Variants in EPHA6 observed in about 807,000 individuals in gnomAD.
EPHA6 encodes the protein EPH receptor A6.
EPHA6 carries 50 observed loss-of-function variants against 112.0 expected under a neutral mutation model. The observed-to-expected ratio is 0.45, with a 90% CI of 0.36 to 0.56. The LOEUF (loss-of-function observed/expected upper bound fraction) is 0.56. Among genes scored for constraint, EPHA6 ranks in the 20% least tolerant of loss-of-function variants. The pLI, the probability that EPHA6 is intolerant of heterozygous loss-of-function variation, is 0.00. For missense variants in EPHA6, 1,280 were observed against 1,417.4 expected, an observed-to-expected ratio of 0.90 and a Z score of 1.56; for synonymous variants, 529 against 490.7, an observed-to-expected ratio of 1.08 and a Z score of -1.03.
chr3:97,725,876 C>T (rs568158291), intron 15 of EPHA6, among the ~76,000 whole-genome samples: 214 of 152,124 alleles, frequency 1.4e-3, no homozygotes, highest in Non-Finnish European at 1.3e-3. Flanking sequence ...GATCTGGGAT[C>T]GAATCCCAGA....
intron 7 of EPHA6, among the ~76,000 whole-genome samples, chr3:97,456,657 A>G (rs1316394037): frequency 6.6e-6 from 1 of 152,196 alleles, no homozygotes; most frequent in African/African-American, 2.4e-5. Context: ...TGCTAAGGAA[A>G]CAAAGGAGAT....
At chr3:97,163,857 C>G (rs1421950397) in intron 3 of EPHA6, among the ~76,000 whole-genome samples, 4 of 152,224 alleles carry the variant, frequency 2.6e-5, no homozygotes, top group African/African-American at 9.6e-5. Context: ...TCAGTGCCCT[C>G]ACTGTAACAG....
Position 97,749,837 on chromosome 3 carries a change from G to A in EPHA6, c.*1136G>A, listed in dbSNP as rs932291362. ...GTTTTCTTTGCAAAAATAGTTACAT[G>A]AACATGCTGAGCTCTTTTCGAAACC... On this transcript the variant is annotated 3_prime_UTR_variant, in exon 18 of 18. Transcript: ENST00000389672. Among the ~76,000 whole-genome samples, 6 of 152,076 alleles carry A rather than the reference G, an allele frequency of 3.9e-5. No individual in the cohort carries two copies. Among genetic ancestry groups the A allele is most frequent in the Non-Finnish European group, 8.8e-5 (6 of 68,004 alleles).
At chr3:96,850,932 ATATAT>A (rs572246285) in intron 1 of EPHA6, among the ~76,000 whole-genome samples, 1 of 152,174 alleles carries the variant, frequency 6.6e-6, no homozygotes, top group Non-Finnish European at 1.5e-5. Flanking sequence ...AATGCAAAAC[ATATAT>A]TAAAATAATA....
chr3:96,972,113 TA>T (rs777389314), intron 2 of EPHA6, among the ~76,000 whole-genome samples: 1 of 152,134 alleles, frequency 6.6e-6, no homozygotes, highest in Non-Finnish European at 1.5e-5. Context: ...CTAGCTAATT[TA>T]AAAACGCATT....
intron 3 of EPHA6, among the ~76,000 whole-genome samples, chr3:97,110,209 TG>T (rs1428596672): frequency 6.6e-6 from 1 of 152,062 alleles, no homozygotes; most frequent in Non-Finnish European, 1.5e-5. Context: ...TACTTGTAGA[TG>T]GGGGTGGATG....
intron 12 of EPHA6, among the ~76,000 whole-genome samples, chr3:97,609,229 A>G (rs2093700869): frequency 6.6e-6 from 1 of 151,400 alleles, no homozygotes; most frequent in Non-Finnish European, 1.5e-5. Flanking sequence ...AGAATCCATC[A>G]TCATTCAAAA....
chr3:97,190,834 A>G (rs1044246200), intron 3 of EPHA6, among the ~76,000 whole-genome samples: 1 of 151,978 alleles, frequency 6.6e-6, no homozygotes, highest in African/African-American at 2.4e-5. Context: ...AACCTGCACA[A>G]TGTGCACATG....
chr3:96,986,515 A>T (rs916767166), intron 2 of EPHA6, among the ~76,000 whole-genome samples: 1 of 152,026 alleles, frequency 6.6e-6, no homozygotes, highest in African/African-American at 2.4e-5. Flanking sequence ...TCACTATCTC[A>T]TCTCTAAGGC....
chr3:97,604,348 T>A (rs1576042373), intron 12 of EPHA6, among the ~76,000 whole-genome samples: 1 of 151,708 alleles, frequency 6.6e-6, no homozygotes, highest in Non-Finnish European at 1.5e-5. Flanking sequence ...CATCCTAGTT[T>A]GCCTGGGACA....
At chr3:97,695,158 T>C (rs1251200286) in intron 14 of EPHA6, among the ~76,000 whole-genome samples, 1 of 152,320 alleles carries the variant, frequency 6.6e-6, no homozygotes, top group East Asian at 1.9e-4. Flanking sequence ...AGATACATCA[T>C]CAGTGAGTGA....
chr3:97,421,381 A>G (rs1457808514), intron 6 of EPHA6, among the ~76,000 whole-genome samples: 4 of 152,164 alleles, frequency 2.6e-5, no homozygotes, highest in Non-Finnish European at 5.9e-5. Flanking sequence ...AACACATTTT[A>G]AAGAAGTTAA....
intron 13 of EPHA6, among the ~76,000 whole-genome samples, chr3:97,619,687 C>T (rs1257173393): frequency 1.3e-5 from 2 of 151,780 alleles, no homozygotes; most frequent in Non-Finnish European, 1.5e-5. Context: ...AAGAATAAAA[C>T]ACCTAGGAAT....
At chr3:97,510,513 G>A (rs944339651) in intron 10 of EPHA6, among the ~76,000 whole-genome samples, 10 of 152,302 alleles carry the variant, frequency 6.6e-5, no homozygotes, top group Admixed American at 2.0e-4. Context: ...TATCACCAGC[G>A]GAGGCTGCAG....
At chr3:97,673,456 C>A (rs992426321) in intron 14 of EPHA6, among the ~76,000 whole-genome samples, 1 of 152,098 alleles carries the variant, frequency 6.6e-6, no homozygotes, top group African/African-American at 2.4e-5. Context: ...GAGGTGAATT[C>A]ACAATTATTA....
chr3:97,513,363 C>A (rs2092397198), intron 10 of EPHA6, among the ~76,000 whole-genome samples: 1 of 152,312 alleles, frequency 6.6e-6, no homozygotes, highest in Admixed American at 6.5e-5. Context: ...TTTATTACAG[C>A]ACCATTCACA....
chr3:97,653,407 T>C (rs2094119354), intron 14 of EPHA6, among the ~76,000 whole-genome samples: 2 of 152,000 alleles, frequency 1.3e-5, no homozygotes, highest in East Asian at 1.9e-4. Flanking sequence ...GAAAAGGCAG[T>C]CAACATCACT....
At chr3:97,360,087 A>G (rs1490795844) in intron 5 of EPHA6, among the ~76,000 whole-genome samples, 1 of 152,146 alleles carries the variant, frequency 6.6e-6, no homozygotes, top group Non-Finnish European at 1.5e-5. Context: ...CAATCAGAGC[A>G]CAGTTCCTGA....
rs1437041466 is a variant in EPHA6, at chr3:97,581,131, A to T, written c.2387-11481A>T. 2.6e-5 allele frequency among the ~76,000 whole-genome samples: 4 copies of T among 152,142 alleles called. No individual in the cohort carries two copies. In the East Asian group the frequency reaches 7.7e-4, roughly 29 times the overall value. On this transcript the variant is annotated intron_variant, in intron 11 of 17. Transcript: ENST00000389672. ...TCTCTGTCTGTCTCTTAAATACATA[A>T]ATGAGAAGGCACATATGCAACCCTG...
Sources: allele counts gnomAD v4.1 joint callset (sites outside exome capture counted in the v4.1 genomes callset), GRCh38; gene constraint gnomAD v4.1.1; transcripts MANE v1.5; gene names NCBI Gene and HGNC (gene_info 2026-07-23, HGNC 2026-07-21).